TBC1D22A: variants seen among roughly 807,000 people sequenced by gnomAD.
TBC1D22A encodes the protein TBC1 domain family member 22A.
A neutral mutation model predicts 60.2 loss-of-function variants in TBC1D22A; 38 were observed. That is an observed-to-expected ratio of 0.63 (90% confidence interval 0.49 to 0.83). The LOEUF is 0.83. Ranked by LOEUF, TBC1D22A falls within the 40% of genes least tolerant of loss-of-function variation. The probability of loss-of-function intolerance (pLI) is 0.00; values close to 1 mark genes in which losing one functional copy is unlikely to be tolerated. For synonymous variants in TBC1D22A, 302 were observed against 281.7 expected (o/e 1.07, Z -0.72); for missense variants, 628 against 701.0 (o/e 0.90, Z 1.18).
intron 8 of TBC1D22A, chr22:46,914,434 CA>C (rs11322741): frequency 0.6 from 67,836 of 113,276 alleles, 17,426 homozygotes; most frequent in Middle Eastern, 0.73. Flanking sequence ...GACTCCATCT[CA>C]AAAAAAAAAA....
intron 11 of TBC1D22A, among the ~76,000 whole-genome samples, chr22:47,105,388 A>G (rs2065596056): frequency 6.6e-6 from 1 of 152,256 alleles, no homozygotes; most frequent in African/African-American, 2.4e-5. Context: ...ATCAGAGACC[A>G]GAAATCTCGA....
At chr22:46,772,678 C>T (rs1364102372) in intron 1 of TBC1D22A, among the ~76,000 whole-genome samples, 1 of 136,746 alleles carries the variant, frequency 7.3e-6, no homozygotes, top group Non-Finnish European at 1.5e-5. Context: ...ATGGGAGTCT[C>T]ACTCTATCAC....
Position 46,794,054 on chromosome 22 carries a change from C to T in TBC1D22A, c.460+213C>T, listed in dbSNP as rs149903083. 2.5e-4 allele frequency among the ~76,000 whole-genome samples: 38 copies of T among 152,320 alleles called. 2 individuals carry two copies. The East Asian group carries it at 6.6e-3, about 26-fold the overall frequency. On this transcript the variant is annotated intron_variant, in intron 3 of 12. Transcript: ENST00000337137. The stretch of plus-strand genomic sequence containing the variant: ...CAAGTGCTTTCTTCTGTCCTAGCTA[C>T]GTGCGTGTCTCCTCCTAGTGGAGTG...
At chr22:47,129,940 A>G (rs531805793) in intron 12 of TBC1D22A, among the ~76,000 whole-genome samples, 1 of 152,318 alleles carries the variant, frequency 6.6e-6, no homozygotes, top group South Asian at 2.1e-4. Flanking sequence ...GCATTTGTAC[A>G]GCGGAAGAGG....
rs1201904925 is a variant in TBC1D22A at position 47,009,197 on chromosome 22, A to G, written c.1201+11488A>G. Among the ~76,000 whole-genome samples, 1 of 152,124 alleles carries G rather than the reference A, an allele frequency of 6.6e-6. No homozygotes were observed. Among genetic ancestry groups the G allele is most frequent in the Non-Finnish European group, 1.5e-5 (1 of 68,026 alleles). On this transcript the variant is annotated intron_variant, in intron 10 of 12. Coordinates refer to ENST00000337137, the MANE Select transcript of TBC1D22A (RefSeq NM_014346.5). This position sits in a 1 kb window ranked among gnomAD's most constrained non-coding sequence, Gnocchi z 5.8. ...TAAAGTACTTACAGGAGTGCCTGGCACACTTAAGTCTCATGCAGTGTTAGT... is the reference window on the plus strand; with the variant it reads ...TAAAGTACTTACAGGAGTGCCTGGCGCACTTAAGTCTCATGCAGTGTTAGT...
rs1408482195 is a variant in TBC1D22A, at chr22:46,777,331, A to G, written c.62+14483A>G. On this transcript the variant is annotated intron_variant, in intron 1 of 12. Transcript: ENST00000337137. The surrounding 1 kb of genome is among the most constrained non-coding windows in gnomAD (Gnocchi z 4.5). Reference sequence around the variant, plus strand: ...CGAGGCAGGGATGAGCACATTGTCTATTTTTGTGTGACTGGTAGAGAGTGA... The same window carrying G: ...CGAGGCAGGGATGAGCACATTGTCTGTTTTTGTGTGACTGGTAGAGAGTGA... 6.6e-6 allele frequency among the ~76,000 whole-genome samples: 1 copy of G among 152,042 alleles called. No homozygotes were observed. Among genetic ancestry groups the G allele is most frequent in the African/African-American group, 2.4e-5 (1 of 41,390 alleles).
chr22:46,992,122 CA>C (rs1375895065), intron 9 of TBC1D22A, among the ~76,000 whole-genome samples: 1 of 152,250 alleles, frequency 6.6e-6, no homozygotes, highest in Non-Finnish European at 1.5e-5. Context: ...CTGTCTGTGT[CA>C]GGGGATCCCA....
intron 12 of TBC1D22A, among the ~76,000 whole-genome samples, chr22:47,155,209 T>A (rs866786043): frequency 3.7e-5 from 5 of 136,508 alleles, no homozygotes; most frequent in African/African-American, 1.7e-4. Flanking sequence ...AGAATTCCTT[T>A]TTTGGAAAAA....
chr22:46,860,983 A>T (rs895126731), intron 4 of TBC1D22A, among the ~76,000 whole-genome samples: 1 of 113,778 alleles, frequency 8.8e-6, no homozygotes, highest in Non-Finnish European at 1.8e-5. Flanking sequence ...TAATAAATTA[A>T]TTTTTTTTTA....
At chr22:46,766,002 TG>T (rs2083272177) in intron 1 of TBC1D22A, among the ~76,000 whole-genome samples, 3 of 146,816 alleles carry the variant, frequency 2.0e-5, no homozygotes, top group Admixed American at 6.8e-5. Context: ...TGTGTGTGTG[TG>T]TGTATTTTTT....
At chr22:46,895,667 C>G (rs955625462) in intron 7 of TBC1D22A, among the ~76,000 whole-genome samples, 2 of 152,150 alleles carry the variant, frequency 1.3e-5, no homozygotes, top group Non-Finnish European at 2.9e-5. Context: ...CCACGGCGCC[C>G]GGCGTCTCTC....
intron 11 of TBC1D22A, among the ~76,000 whole-genome samples, chr22:47,063,064 A>G (rs1418374554): frequency 2.0e-5 from 3 of 152,094 alleles, no homozygotes; most frequent in Non-Finnish European, 4.4e-5. Context: ...CGGTGGAGAA[A>G]CAGGATGGGC....
intron 4 of TBC1D22A, among the ~76,000 whole-genome samples, chr22:46,825,921 C>T (rs1322408129): frequency 6.9e-5 from 10 of 144,964 alleles, no homozygotes; most frequent in East Asian, 2.0e-4. Flanking sequence ...CTTGCTCTGT[C>T]GCCCAGGCTG....
chr22:46,875,486 C>T (rs1454196878), intron 4 of TBC1D22A, among the ~76,000 whole-genome samples: 1 of 151,996 alleles, frequency 6.6e-6, no homozygotes, highest in Admixed American at 6.6e-5. Context: ...CAGAGTCTCA[C>T]TCCCACCCAG....
At chr22:46,781,625 G>C (rs1356247213) in intron 1 of TBC1D22A, among the ~76,000 whole-genome samples, 1 of 152,190 alleles carries the variant, frequency 6.6e-6, no homozygotes, top group Non-Finnish European at 1.5e-5. Flanking sequence ...CTGTTTTTGG[G>C]GAGGGCATGG....
intron 11 of TBC1D22A, among the ~76,000 whole-genome samples, chr22:47,081,490 G>A (rs890282465): frequency 6.6e-6 from 1 of 152,038 alleles, no homozygotes; most frequent in African/African-American, 2.4e-5. Context: ...GAGTTTAGCC[G>A]GGGCCTCCAG....
intron 10 of TBC1D22A, among the ~76,000 whole-genome samples, chr22:47,032,739 C>G (rs2062520111): frequency 6.6e-6 from 1 of 152,244 alleles, no homozygotes; most frequent in Non-Finnish European, 1.5e-5. Context: ...AGGCCCCAGG[C>G]TGCTGACTTC....
At chr22:46,963,958 C>T (rs571923233) in intron 8 of TBC1D22A, among the ~76,000 whole-genome samples, 1 of 152,354 alleles carries the variant, frequency 6.6e-6, no homozygotes, top group East Asian at 1.9e-4. Flanking sequence ...CCAGCAGGAG[C>T]GATGCACGTT....
intron 5 of TBC1D22A, among the ~76,000 whole-genome samples, chr22:46,886,806 C>T (rs5769199): frequency 0.59 from 90,314 of 152,068 alleles, 28,436 homozygotes; most frequent in Middle Eastern, 0.76. Flanking sequence ...ATGTGGTCTC[C>T]TGTAGCCACT....
Sources: gnomAD v4.1 joint callset for allele counts (sites outside exome capture counted in the v4.1 genomes callset) on GRCh38, gnomAD v4.1.1 for gene constraint, Gnocchi (gnomAD v3.1) non-coding constraint, MANE v1.5 for transcripts, NCBI Gene and HGNC (gene_info 2026-07-23, HGNC 2026-07-21) for gene names.